The following PLD2 variants were observed in gnomAD, a reference collection of about 807,000 sequenced individuals.
The protein encoded by PLD2 is choline phosphatase 2.
Under a neutral mutation model 119.8 loss-of-function variants are expected in PLD2, and 101 were observed. The ratio of observed to expected loss-of-function variants is 0.84; its 90% confidence interval spans 0.72 to 0.99. The LOEUF (loss-of-function observed/expected upper bound fraction) is 0.99, where lower values mean the gene tolerates loss of function less well. PLD2 is among the 50% of genes least tolerant of loss of function. The pLI, the probability that PLD2 is intolerant of heterozygous loss-of-function variation, is 0.00. For synonymous variants in PLD2, 494 were observed against 482.8 expected, an observed-to-expected ratio of 1.02 and a Z score of -0.30; for missense variants, 1,164 against 1,226.8, an observed-to-expected ratio of 0.95 and a Z score of 0.76.
At position 4,807,612 on chromosome 17, in the gene PLD2, T is replaced by TCAC; in HGVS notation, c.-1-159_-1-158insACC. 1 of 508,794 alleles carries TCAC rather than the reference T, an allele frequency of 2.0e-6. No individual in the cohort carries two copies. The highest frequency in any genetic ancestry group is 3.1e-5 in the East Asian group (1 of 32,406). 31.5% of individuals were successfully genotyped at this position (508,794 alleles called of 1,614,324 possible). A position where few individuals can be genotyped will look rare whatever the true frequency, so the allele number is the denominator to read the frequency against. On this transcript the variant is annotated intron_variant, in intron 1 of 24. Transcript: ENST00000263088. This position sits in a 1 kb window ranked among gnomAD's most constrained non-coding sequence, Gnocchi z 5.4. Reference sequence around the variant, plus strand: ...GGTAGGGGATGGGGGCTCGAAGGGGTCGGTGGGGCGTTGCAAACTGGTCAG... The same window carrying TCAC: ...GGTAGGGGATGGGGGCTCGAAGGGGTCACCGGTGGGGCGTTGCAAACTGGTCAG...
Position 4,811,050 on chromosome 17 carries a change from C to T in PLD2, c.1010+99C>T, listed in dbSNP as rs1421220697. On this transcript the variant is annotated intron_variant, in intron 10 of 24. Transcript: ENST00000263088. ...CCTCTCTTTTCTCATCTGAACCCTCCTGACCTCAATGACCCGCCCCGTGAC... is the reference window on the plus strand; with the variant it reads ...CCTCTCTTTTCTCATCTGAACCCTCTTGACCTCAATGACCCGCCCCGTGAC... 4 of 1,228,772 alleles carry T rather than the reference C, an allele frequency of 3.3e-6. No homozygotes were observed. In the African/African-American group the frequency reaches 6.0e-5, roughly 18 times the overall value. 76.1% of individuals were successfully genotyped at this position (1,228,772 alleles called of 1,614,324 possible).
At chr17:4,818,650 A>G in intron 20 of PLD2, 43 bp downstream of exon 20, 1 of 1,552,204 alleles carries the variant, frequency 6.4e-7, no homozygotes, top group Non-Finnish European at 8.9e-7. Context: ...GCCCCATCCC[A>G]CCCGTGTCCC....
chr17:4,809,504 G>A lies in PLD2; in HGVS notation c.567G>A (p.Leu189=), dbSNP rs1024387575. 6.2e-7 allele frequency: 1 copy of A among 1,607,672 alleles called. No individual in the cohort carries two copies. The highest frequency in any genetic ancestry group is 8.5e-7 in the Non-Finnish European group (1 of 1,176,298). The change falls in exon 7 of 25, where the codon CTG becomes CTA. Residue 189 remains leucine (L), a synonymous_variant. Transcript: ENST00000263088. Reference sequence around the variant, plus strand: ...GTTTTCCTCTGCAGACAGAGTTCCTGGAAGTCAGTCAGCTGTCCTTTATCC... The same window carrying A: ...GTTTTCCTCTGCAGACAGAGTTCCTAGAAGTCAGTCAGCTGTCCTTTATCC... ...YRNYHAMTEF[L]EVSQLSFIPD...
Position 4,810,042 on chromosome 17 carries a change from TG to T in PLD2, c.860+17del. 1.2e-6 allele frequency: 2 copies of T among 1,611,686 alleles called. No individual in the cohort carries two copies. The highest frequency in any genetic ancestry group is 1.7e-6 in the Non-Finnish European group (2 of 1,179,742). ...ATACCTCCCACAGGTGAGGCCTCCC[TG>T]GGGTGAGAGACACCAGCTGAGTGGT... On this transcript the variant is annotated intron_variant, in intron 9 of 24. Coordinates refer to ENST00000263088, the MANE Select transcript of PLD2 (RefSeq NM_002663.5).
intron 23 of PLD2, among the ~76,000 whole-genome samples, chr17:4,821,049 C>T (rs1907627502): frequency 6.6e-6 from 1 of 151,330 alleles, no homozygotes; most frequent in Non-Finnish European, 1.5e-5. Context: ...ATTACAGGCG[C>T]CCGCCACCAT....
At chr17:4,812,785 C>T (rs1345422285) in intron 10 of PLD2, among the ~76,000 whole-genome samples, 1 of 152,094 alleles carries the variant, frequency 6.6e-6, no homozygotes, top group East Asian at 1.9e-4. Flanking sequence ...CCTCATGGAA[C>T]TATACAAGAT....
chr17:4,822,617 G>C, intron 24 of PLD2, 23 bp from the exon 25 acceptor site: 3 of 1,551,852 alleles, frequency 1.9e-6, no homozygotes, highest in Non-Finnish European at 1.8e-6. Context: ...AAGCCTTACT[G>C]GCGTCCATGC....
chr17:4,823,066 GGAGA>G lies in PLD2; in HGVS notation c.*206_*209del. ...ACTCCCAACCCTGGGCTGGGGAGGA[GGAGA>G]GAGTCCCAGAGCTCATCCCCCCTGC... On this transcript the variant is annotated 3_prime_UTR_variant, in exon 25 of 25. Transcript: ENST00000263088. The G allele has an allele frequency of 1.8e-6, 1 of 566,492 alleles. No homozygotes were observed. The highest frequency in any genetic ancestry group is 3.1e-6 in the Non-Finnish European group (1 of 317,672). 35.1% of individuals were successfully genotyped at this position (566,492 alleles called of 1,614,324 possible).
At chr17:4,811,297 CTTTTTTTTTTT>C (rs35190261) in intron 10 of PLD2, among the ~76,000 whole-genome samples, 9 of 77,850 alleles carry the variant, frequency 1.2e-4, no homozygotes, top group Non-Finnish European at 1.5e-4. Flanking sequence ...ATTTTCTTTT[CTTTTTTTTTTT>C]TTTTTTTTTT....
intron 23 of PLD2, among the ~76,000 whole-genome samples, chr17:4,821,357 A>C (rs1200651787): frequency 1.3e-5 from 2 of 152,062 alleles, no homozygotes; most frequent in Non-Finnish European, 2.9e-5. Flanking sequence ...CTTCTTTTAC[A>C]CTTATTTTAC....
At chr17:4,811,330 T>C (rs1288620437) in intron 10 of PLD2, among the ~76,000 whole-genome samples, 3 of 150,146 alleles carry the variant, frequency 2.0e-5, no homozygotes, top group Admixed American at 1.3e-4. Context: ...AGAGAGAGTT[T>C]TGTTCTGTTG....
chr17:4,817,005 C>G lies in PLD2; in HGVS notation c.1651C>G (p.Pro551Ala). 1 of 1,614,042 alleles carries G rather than the reference C, an allele frequency of 6.2e-7. No homozygotes were observed. Among genetic ancestry groups the G allele is most frequent in the Non-Finnish European group, 8.5e-7 (1 of 1,179,950 alleles). ...CGTTGGGGTGGTCGTCCATGGCCTA[C>G]CGGCCCGGGACCTTGCCCGGCACTT... Reference protein sequence around the residue: ...RDVGVVVHGLPARDLARHFIQ... With the variant: ...RDVGVVVHGLAARDLARHFIQ... Residue 551 changes from proline (P) to alanine (A), a missense_variant, in exon 16 of 25, where the codon CCG becomes GCG. Physicochemically the swap from Pro to Ala is conservative, Grantham distance 27. Transcript: ENST00000263088.
Position 4,819,258 on chromosome 17 carries a change from G to A in PLD2, c.2308+40G>A. 6.2e-7 allele frequency: 1 copy of A among 1,611,382 alleles called. No individual in the cohort carries two copies. The highest frequency in any genetic ancestry group is 1.1e-5 in the South Asian group (1 of 90,938). ...TAGTCCTCTGGCAGGGAGAGGGTGT[G>A]GGGACAGGCGAAGAGATGAGAGGCA... On this transcript the variant is annotated intron_variant, in intron 22 of 24. Coordinates refer to ENST00000263088, the MANE Select transcript of PLD2 (RefSeq NM_002663.5). This position sits in a 1 kb window ranked among gnomAD's most constrained non-coding sequence, Gnocchi z 4.2.
Position 4,822,699 on chromosome 17 carries a change from G to A in PLD2, c.2637G>A (p.Val879=), listed in dbSNP as rs753792600. 5 of 1,614,122 alleles carry A rather than the reference G, an allele frequency of 3.1e-6. No homozygotes were observed. The Admixed American group carries it at 8.3e-5, about 27-fold the overall frequency. ...TRSLRTLREY[V]AVEPLATVSP... is the part of the protein sequence containing the mutation. The stretch of plus-strand genomic sequence containing the variant: ...CCCTGCGGACTCTCCGGGAGTACGT[G>A]GCCGTGGAGCCCTTGGCCACGGTCA... The change falls in exon 25 of 25, where the codon GTG becomes GTA. Residue 879 remains valine (V), a synonymous_variant. Coordinates refer to ENST00000263088, the MANE Select transcript of PLD2 (RefSeq NM_002663.5).
rs748710430 is a variant in PLD2, at chr17:4,810,844, G to A, written c.903G>A (p.Trp301Ter). The stretch of plus-strand genomic sequence containing the variant: ...GCAGCAGCTACCGGCAGGCACGGTG[G>A]TGGGCCCAAGAGATCACTGAGCTGG... The part of the protein sequence containing the change: ...LKCSSYRQAR[W>*]WAQEITELAQ... The change falls in exon 10 of 25, where the codon TGG becomes TGA. Residue 301 changes from tryptophan (W) to a stop codon, truncating the protein, a stop_gained. Transcript: ENST00000263088. LOFTEE classifies it high-confidence loss of function. 7.4e-6 allele frequency: 12 copies of A among 1,613,714 alleles called. No homozygotes were observed. In the East Asian group the frequency reaches 2.5e-4, roughly 33 times the overall value.
At chr17:4,822,028 G>A in intron 24 of PLD2, 121 bp downstream of exon 24, 1 of 652,746 alleles carries the variant, frequency 1.5e-6, no homozygotes. Flanking sequence ...TGAGGGCCTG[G>A]GGACATTTGC....
At chr17:4,814,344 G>A (rs1437446634) in intron 10 of PLD2, 74 bp from the exon 11 acceptor site, 4 of 1,546,686 alleles carry the variant, frequency 2.6e-6, no homozygotes, top group Non-Finnish European at 3.5e-6. Flanking sequence ...ACCCACGACT[G>A]TCCTCCGGTC....
At position 4,821,814 on chromosome 17, in the gene PLD2, C is replaced by T. The variant is rs867457751; in HGVS notation, c.2484C>T (p.Thr828=). Residue 828 remains threonine (T), a synonymous_variant, in exon 24 of 25, where the codon ACC becomes ACT. Coordinates refer to ENST00000263088, the MANE Select transcript of PLD2 (RefSeq NM_002663.5). ...ATAGTGTGATTCTTGGAGCAAATAC[C>T]CGGCCAGACTTGGATCTCCGAGACC... ...HCFGVILGAN[T]RPDLDLRDPI... is the part of the protein sequence containing the mutation. 1 of 1,613,756 alleles carries T rather than the reference C, an allele frequency of 6.2e-7. No homozygotes were observed.
At chr17:4,820,304 G>T (rs1020614507) in intron 23 of PLD2, among the ~76,000 whole-genome samples, 7 of 151,402 alleles carry the variant, frequency 4.6e-5, no homozygotes, top group Admixed American at 4.0e-4. Context: ...TTTCACTCTT[G>T]TCGCCCAGGC....
Sources: allele counts gnomAD v4.1 joint callset (sites outside exome capture counted in the v4.1 genomes callset), GRCh38; gene constraint gnomAD v4.1.1; non-coding constraint Gnocchi (gnomAD v3.1); transcripts MANE v1.5; gene names NCBI Gene and HGNC (gene_info 2026-07-23, HGNC 2026-07-21).